MEMO1: variants seen among roughly 807,000 people sequenced by gnomAD.
MEMO1 encodes the protein mediator of cell motility 1, also known as protein MEMO1.
A neutral mutation model predicts 45.2 loss-of-function variants in MEMO1; 6 were observed. The observed-to-expected ratio is 0.13, with a 90% confidence interval of 0.07 to 0.26. MEMO1 has a LOEUF of 0.26. Among genes scored for constraint, MEMO1 ranks in the 10% least tolerant of loss-of-function variants. MEMO1 has a pLI of 1.00. For missense variants in MEMO1, 184 were observed against 370.5 expected, an observed-to-expected ratio of 0.50 and a Z score of 4.13; for synonymous variants, 78 against 124.3, an observed-to-expected ratio of 0.63 and a Z score of 2.48.
intron 6 of MEMO1, chr2:31,893,408 T>C: frequency 9.6e-7 from 1 of 1,042,650 alleles, no homozygotes; most frequent in South Asian, 3.0e-5. Flanking sequence ...GCTAAATAAC[T>C]CCCTGACTGA....
rs567694575 is a variant in MEMO1, at chr2:31,944,544, C to T, written c.62-1161G>A. Among the ~76,000 whole-genome samples, 9 of 152,292 alleles carry T rather than the reference C, an allele frequency of 5.9e-5. No individual in the cohort carries two copies. In the East Asian group the frequency reaches 1.2e-3, roughly 20 times the overall value. ...TCCCACCACTTATTCTGCTTTCCCT[C>T]GTATTTCAACAAATTGTCCTTGTTC... is the stretch of plus-strand genomic sequence containing the variant. On this transcript the variant is annotated intron_variant, in intron 2 of 9. Coordinates refer to ENST00000404530, the MANE Select transcript of MEMO1 (RefSeq NM_001301833.4).
chr2:31,869,861 C>A lies in MEMO1; in HGVS notation c.749G>T (p.Gly250Val). ...HNTICGRHPI[G>V]VLLNAITELQ... ...AAGGATACTCACATTTAATAACACC[C>A]CAATGGGATGTCTTCCACATATAGT... The change falls in exon 9 of 10, where the codon GGG (glycine) becomes GTG (valine). Residue 250 changes from glycine to valine, a missense_variant. Transcript: ENST00000404530. 6.3e-7 allele frequency: 1 copy of A among 1,577,772 alleles called. No homozygotes were observed. The highest frequency in any genetic ancestry group is 2.0e-5 in the Admixed American group (1 of 50,730).
chr2:31,955,993 C>T (rs535505901), intron 2 of MEMO1, among the ~76,000 whole-genome samples: 1 of 152,136 alleles, frequency 6.6e-6, no homozygotes, highest in African/African-American at 2.4e-5. Context: ...CCATGTTTAC[C>T]GTCTGACAAA....
intron 2 of MEMO1, among the ~76,000 whole-genome samples, chr2:31,996,835 A>G (rs1405574365): frequency 6.6e-6 from 1 of 152,150 alleles, no homozygotes; most frequent in East Asian, 1.9e-4. Context: ...GGCTCAAGCA[A>G]TCATCCTGCC....
intron 2 of MEMO1, among the ~76,000 whole-genome samples, chr2:31,976,790 A>T (rs150328385): frequency 1.5e-4 from 23 of 152,132 alleles, no homozygotes; most frequent in African/African-American, 4.8e-4. Context: ...TATTTCAAGC[A>T]AGAGTATATA....
chr2:31,990,343 A>G (rs762321247), intron 2 of MEMO1, among the ~76,000 whole-genome samples: 22 of 152,334 alleles, frequency 1.4e-4, no homozygotes, highest in Non-Finnish European at 3.1e-4. Context: ...TATTTTCATT[A>G]AAAATGTCAT....
intron 2 of MEMO1, among the ~76,000 whole-genome samples, chr2:31,989,418 G>GT (rs1436062888): frequency 6.6e-6 from 1 of 152,186 alleles, no homozygotes; most frequent in Non-Finnish European, 1.5e-5. Flanking sequence ...ATTAACAGGT[G>GT]TGATTCTTTG....
chr2:31,931,168 A>G (rs1173321705), intron 4 of MEMO1, among the ~76,000 whole-genome samples: 1 of 152,232 alleles, frequency 6.6e-6, no homozygotes, highest in African/African-American at 2.4e-5. Context: ...ATGAATTATA[A>G]TACAATGTAC....
At chr2:31,893,940 CTT>C (rs1558482451) in intron 6 of MEMO1, among the ~76,000 whole-genome samples, 1 of 152,128 alleles carries the variant, frequency 6.6e-6, no homozygotes, top group Non-Finnish European at 1.5e-5. Context: ...TGTCATCTCT[CTT>C]TTAAAAAATT....
intron 3 of MEMO1, among the ~76,000 whole-genome samples, chr2:31,935,478 A>G (rs1216958584): frequency 1.3e-5 from 2 of 152,164 alleles, no homozygotes; most frequent in African/African-American, 2.4e-5. Context: ...GAGTAAAGAC[A>G]AGACAGTTAC....
intron 2 of MEMO1, among the ~76,000 whole-genome samples, chr2:31,959,784 T>C (rs1411926910): frequency 1.0e-4 from 1 of 9,980 alleles, no homozygotes; most frequent in Non-Finnish European, 4.7e-4. Context: ...TCAGCAATTG[T>C]ATTTTTTATA....
intron 6 of MEMO1, among the ~76,000 whole-genome samples, chr2:31,902,031 C>T (rs982227152): frequency 2.6e-5 from 4 of 151,992 alleles, no homozygotes; most frequent in Admixed American, 6.6e-5. Flanking sequence ...CCCAGCTACT[C>T]GGGAAGCTGA....
chr2:31,946,577 C>T (rs951995322), intron 2 of MEMO1, among the ~76,000 whole-genome samples: 1 of 152,092 alleles, frequency 6.6e-6, no homozygotes, highest in Admixed American at 6.6e-5. Flanking sequence ...GATGACAACA[C>T]CGGGCCAGGC....
chr2:31,963,173 G>T, intron 2 of MEMO1: 1 of 1,539,834 alleles, frequency 6.5e-7, no homozygotes, highest in Non-Finnish European at 8.8e-7. Flanking sequence ...AAACCGCACC[G>T]TCAGCTCTCC....
intron 2 of MEMO1, among the ~76,000 whole-genome samples, chr2:31,974,641 A>G (rs1669792631): frequency 6.6e-6 from 1 of 152,072 alleles, no homozygotes; most frequent in Admixed American, 6.6e-5. Flanking sequence ...GCTACTTGGG[A>G]GGCTGAGGCA....
intron 2 of MEMO1, among the ~76,000 whole-genome samples, chr2:31,979,115 C>T (rs1670353521): frequency 6.6e-6 from 1 of 152,150 alleles, no homozygotes; most frequent in Admixed American, 6.6e-5. Flanking sequence ...ACCTTCTTCA[C>T]ATGGCATCAG....
intron 2 of MEMO1, among the ~76,000 whole-genome samples, chr2:32,002,126 C>T (rs1406715343): frequency 8.9e-6 from 1 of 112,048 alleles, no homozygotes; most frequent in Admixed American, 1.4e-4. Context: ...GCCTGGGCAA[C>T]ACAGCGAGAC....
chr2:31,907,742 G>A lies in MEMO1; in HGVS notation c.437+10184C>T, dbSNP rs561227967. 5.9e-5 allele frequency among the ~76,000 whole-genome samples: 9 copies of A among 151,508 alleles called. No homozygotes were observed. In the South Asian group the frequency reaches 1.7e-3, roughly 28 times the overall value. On this transcript the variant is annotated intron_variant, in intron 6 of 9. Transcript: ENST00000404530. ...CGGGAGGTGGAAGTTGTGGTGAACC[G>A]AGATCACATCACTGTACTCCAGCAG...
intron 2 of MEMO1, among the ~76,000 whole-genome samples, chr2:31,973,571 C>T (rs550805705): frequency 2.7e-4 from 41 of 152,034 alleles, no homozygotes; most frequent in Non-Finnish European, 5.0e-4. Flanking sequence ...TTTGAAATGT[C>T]CGTCAGCAGA....
Sources: gnomAD v4.1 joint callset for allele counts (sites outside exome capture counted in the v4.1 genomes callset) on GRCh38, gnomAD v4.1.1 for gene constraint, MANE v1.5 for transcripts, NCBI Gene and HGNC (gene_info 2026-07-23, HGNC 2026-07-21) for gene names.